MCTP1: variants seen among roughly 807,000 people sequenced by gnomAD.
MCTP1 encodes the protein multiple C2 and transmembrane domain-containing protein 1.
A neutral mutation model predicts 120.6 loss-of-function variants in MCTP1; 69 were observed. The observed-to-expected ratio is 0.57, with a 90% confidence interval of 0.47 to 0.70. The LOEUF (loss-of-function observed/expected upper bound fraction) is 0.70. MCTP1 is among the 30% of genes least tolerant of loss of function. The pLI, the probability that MCTP1 is intolerant of heterozygous loss-of-function variation, is 0.00. For synonymous variants in MCTP1, 529 were observed against 493.1 expected (o/e 1.07, Z -0.96); for missense variants, 1,203 against 1,248.8 (o/e 0.96, Z 0.55).
intron 17 of MCTP1, among the ~76,000 whole-genome samples, chr5:94,819,867 T>C (rs1785261906): frequency 6.6e-6 from 1 of 152,224 alleles, no homozygotes; most frequent in Non-Finnish European, 1.5e-5. Context: ...CTTTTCAAGA[T>C]GGGCAGAAAT....
intron 1 of MCTP1, among the ~76,000 whole-genome samples, chr5:95,217,659 T>C (rs1753192733): frequency 2.6e-5 from 4 of 152,324 alleles, no homozygotes; most frequent in Admixed American, 2.6e-4. Flanking sequence ...GAAGAAGTTC[T>C]GAGGCTTGGT....
chr5:94,720,297 G>T (rs113937205), intron 19 of MCTP1, among the ~76,000 whole-genome samples: 16 of 151,890 alleles, frequency 1.1e-4, no homozygotes, highest in African/African-American at 3.1e-4. Context: ...TATAGCAATG[G>T]TTACATAAAA....
intron 16 of MCTP1, among the ~76,000 whole-genome samples, chr5:94,868,961 T>A (rs1259935211): frequency 1.3e-5 from 2 of 152,042 alleles, no homozygotes; most frequent in East Asian, 3.9e-4. Flanking sequence ...ATATTATCTA[T>A]CTATCTATCT....
chr5:95,276,876 C>G (rs1759889460), intron 1 of MCTP1, among the ~76,000 whole-genome samples: 1 of 151,932 alleles, frequency 6.6e-6, no homozygotes, highest in Non-Finnish European at 1.5e-5. Context: ...GGCGTGAACC[C>G]AGGAGGCGGA....
intron 3 of MCTP1, among the ~76,000 whole-genome samples, chr5:94,949,513 T>C (rs887308267): frequency 2.0e-5 from 3 of 152,102 alleles, no homozygotes; most frequent in African/African-American, 7.2e-5. Flanking sequence ...GCAAAGAATA[T>C]TTTTATTTTG....
At chr5:94,734,935 G>A (rs929553441) in intron 19 of MCTP1, among the ~76,000 whole-genome samples, 7 of 151,714 alleles carry the variant, frequency 4.6e-5, no homozygotes, top group Non-Finnish European at 7.4e-5. Flanking sequence ...TATTTAATCC[G>A]TTTTCCCTTA....
intron 2 of MCTP1, among the ~76,000 whole-genome samples, chr5:94,966,523 C>T (rs1825638991): frequency 6.6e-6 from 1 of 152,104 alleles, no homozygotes; most frequent in Admixed American, 6.6e-5. Context: ...TGGCCGGACG[C>T]GGTGGCTCAC....
intron 1 of MCTP1, among the ~76,000 whole-genome samples, chr5:95,140,824 G>A (rs913681875): frequency 2.9e-5 from 4 of 136,978 alleles, no homozygotes; most frequent in African/African-American, 1.1e-4. Context: ...AGCTTGCAGT[G>A]AGCAGAGATT....
intron 1 of MCTP1, among the ~76,000 whole-genome samples, chr5:95,181,792 C>T (rs180675329): frequency 6.6e-6 from 1 of 152,320 alleles, no homozygotes; most frequent in East Asian, 1.9e-4. Flanking sequence ...CCACAAATCG[C>T]TATGTGAAAA....
chr5:95,140,847 T>C (rs1164338805), intron 1 of MCTP1, among the ~76,000 whole-genome samples: 32 of 115,028 alleles, frequency 2.8e-4, no homozygotes, highest in Admixed American at 3.9e-4. Context: ...GCCACTGCAC[T>C]CCAGCCTGGG....
chr5:95,081,718 C>G (rs1289428205), intron 1 of MCTP1: 1 of 1,257,950 alleles, frequency 7.9e-7, no homozygotes. Context: ...ACTCTCAAAC[C>G]AGTAAGGGAA....
intron 2 of MCTP1, among the ~76,000 whole-genome samples, chr5:94,962,668 C>T (rs1310539987): frequency 6.6e-6 from 1 of 151,664 alleles, no homozygotes; most frequent in African/African-American, 2.4e-5. Context: ...GGGAGCTAAG[C>T]TATGAGGATG....
At position 94,714,832 on chromosome 5, in the gene MCTP1, CACAT is replaced by C; in HGVS notation, c.2661_2664del (p.Cys888SerfsTer7). On this transcript the variant is annotated frameshift_variant, in exon 20 of 23. Transcript: ENST00000515393. LOFTEE classifies it high-confidence loss of function. ...TCATCTAGGATGTTCTGGACACTGA[CACAT>C]ACCTCCTGGATGGCATAGATTTTAT... 1 of 1,613,056 alleles carries C rather than the reference CACAT, an allele frequency of 6.2e-7. No homozygotes were observed. The highest frequency in any genetic ancestry group is 8.5e-7 in the Non-Finnish European group (1 of 1,179,132).
At chr5:95,196,304 G>T (rs2152541040) in intron 1 of MCTP1, among the ~76,000 whole-genome samples, 1 of 152,304 alleles carries the variant, frequency 6.6e-6, no homozygotes. Context: ...TACTAAGCAT[G>T]CAGATATTAA....
intron 11 of MCTP1, among the ~76,000 whole-genome samples, chr5:94,892,138 A>T (rs2153396110): frequency 6.6e-6 from 1 of 152,278 alleles, no homozygotes; most frequent in East Asian, 1.9e-4. Flanking sequence ...GCCAGAGCTG[A>T]TTGACAGCTT....
intron 17 of MCTP1, among the ~76,000 whole-genome samples, chr5:94,845,613 C>T (rs1352646483): frequency 1.3e-5 from 2 of 152,144 alleles, no homozygotes; most frequent in Non-Finnish European, 1.5e-5. Context: ...GGCATGATCT[C>T]AGCTCACTGC....
At chr5:94,922,371 C>G (rs1484618166) in intron 7 of MCTP1, among the ~76,000 whole-genome samples, 1 of 152,154 alleles carries the variant, frequency 6.6e-6, no homozygotes, top group African/African-American at 2.4e-5. Context: ...TTATGAAGTT[C>G]GCCCTGGTGA....
At chr5:94,939,465 A>G (rs1817016488) in intron 5 of MCTP1, among the ~76,000 whole-genome samples, 1 of 151,978 alleles carries the variant, frequency 6.6e-6, no homozygotes, top group African/African-American at 2.4e-5. Context: ...GTGGGTCAAG[A>G]CTGATATTTT....
rs79846338 is a variant in MCTP1 at position 94,833,634 on chromosome 5, T to C, written c.2437-34502A>G. Among the ~76,000 whole-genome samples, 608 of 152,316 alleles carry C rather than the reference T, an allele frequency of 4.0e-3. 4 individuals carry two copies. The highest frequency in any genetic ancestry group is 0.014 in the African/African-American group (582 of 41,562). ...ATGCATGTTCCTAAATTATTACCAG[T>C]ATTATTACTTTGTGCTATCAAAACT... On this transcript the variant is annotated intron_variant, in intron 17 of 22. Transcript: ENST00000515393.
Sources: gnomAD v4.1 joint callset for allele counts (sites outside exome capture counted in the v4.1 genomes callset) on GRCh38, gnomAD v4.1.1 for gene constraint, MANE v1.5 for transcripts, NCBI Gene and HGNC (gene_info 2026-07-23, HGNC 2026-07-21) for gene names.